The following SLC25A26 variants were observed in gnomAD, a reference collection of about 807,000 sequenced individuals.
The protein encoded by SLC25A26 is mitochondrial S-adenosylmethionine carrier protein.
Under a neutral mutation model 37.8 loss-of-function variants are expected in SLC25A26, and 36 were observed. That is an observed-to-expected ratio of 0.95 (90% CI 0.73 to 1.26). SLC25A26 has a LOEUF of 1.26. Ranked by LOEUF, SLC25A26 falls within the 50% of genes most tolerant of loss-of-function variation. The probability of loss-of-function intolerance (pLI) is 0.00; values close to 1 mark genes in which losing one functional copy is unlikely to be tolerated. For missense variants in SLC25A26, 390 were observed against 331.1 expected (o/e 1.18, Z -1.38); for synonymous variants, 129 against 122.5 (o/e 1.05, Z -0.35).
intron 1 of SLC25A26, among the ~76,000 whole-genome samples, chr3:66,178,420 C>T (rs1039888556): frequency 2.0e-5 from 3 of 152,112 alleles, no homozygotes; most frequent in African/African-American, 7.2e-5. Flanking sequence ...CCTGGGGCAG[C>T]GTTTCTGGGC....
At chr3:66,190,133 G>A (rs2070909050) in intron 1 of SLC25A26, among the ~76,000 whole-genome samples, 1 of 152,216 alleles carries the variant, frequency 6.6e-6, no homozygotes, top group Admixed American at 6.5e-5. Flanking sequence ...GCAACATGGT[G>A]AAAAGCCATC....
At position 66,287,313 on chromosome 3, in the gene SLC25A26, AT is replaced by A. The variant is rs1471754760; in HGVS notation, c.453+23935del. Among the ~76,000 whole-genome samples the A allele has an allele frequency of 7.9e-5, 12 of 151,764 alleles. No individual in the cohort carries two copies. The South Asian group carries it at 8.3e-4, about 11-fold the overall frequency. The stretch of plus-strand genomic sequence containing the variant: ...TCCGTCTCAAAAAAAAAAAAAAAAA[AT>A]CTCAAACTGTTTTCTGTCTTTTCTC... On this transcript the variant is annotated intron_variant, in intron 5 of 9. Transcript: ENST00000354883.
intron 1 of SLC25A26, among the ~76,000 whole-genome samples, chr3:66,189,923 T>C (rs915359268): frequency 8.5e-5 from 13 of 152,108 alleles, no homozygotes; most frequent in Non-Finnish European, 1.6e-4. Context: ...CCTCAGCTTC[T>C]CAAAGTACTG....
At position 66,336,029 on chromosome 3, in the gene SLC25A26, T is replaced by G. The variant is rs147534707; in HGVS notation, c.454-10335T>G. ...TTTTATTAATGTTTTTCATGATTCT[T>G]TTCTAATTGTAATTTTGCGTAAATG... On this transcript the variant is annotated intron_variant, in intron 5 of 9. Coordinates refer to ENST00000354883, the MANE Select transcript of SLC25A26 (RefSeq NM_001379210.1). 8.5e-5 allele frequency among the ~76,000 whole-genome samples: 13 copies of G among 152,306 alleles called. No homozygotes were observed. In the East Asian group the frequency reaches 2.5e-3, roughly 29 times the overall value.
intron 1 of SLC25A26, among the ~76,000 whole-genome samples, chr3:66,145,583 T>G (rs1175027621): frequency 6.6e-6 from 1 of 152,180 alleles, no homozygotes; most frequent in Non-Finnish European, 1.5e-5. Flanking sequence ...AATATATAAC[T>G]TTTGTTTTTT....
At chr3:66,210,873 G>A (rs2071275777) in intron 1 of SLC25A26, among the ~76,000 whole-genome samples, 1 of 152,182 alleles carries the variant, frequency 6.6e-6, no homozygotes, top group Non-Finnish European at 1.5e-5. Flanking sequence ...GCAAGGAGAC[G>A]TGACTGGCGA....
At chr3:66,242,418 G>A (rs1020976959) in intron 2 of SLC25A26, among the ~76,000 whole-genome samples, 5 of 152,172 alleles carry the variant, frequency 3.3e-5, no homozygotes, top group African/African-American at 4.8e-5. Flanking sequence ...TTGTTAGCAC[G>A]TGAAGATCCT....
intron 5 of SLC25A26, among the ~76,000 whole-genome samples, chr3:66,295,557 A>G (rs1576817161): frequency 1.3e-5 from 2 of 152,094 alleles, no homozygotes; most frequent in East Asian, 3.9e-4. Flanking sequence ...GCCCACCACC[A>G]AGCCCAGCTA....
intron 5 of SLC25A26, among the ~76,000 whole-genome samples, chr3:66,290,887 T>TTA (rs2074682692): frequency 6.6e-6 from 1 of 152,234 alleles, no homozygotes; most frequent in East Asian, 1.9e-4. Flanking sequence ...TCAGAAGGAA[T>TTA]GGTACCAGCT....
chr3:66,192,878 A>G (rs1473053684), intron 1 of SLC25A26, among the ~76,000 whole-genome samples: 1 of 152,188 alleles, frequency 6.6e-6, no homozygotes, highest in African/African-American at 2.4e-5. Flanking sequence ...TTTAATTAAC[A>G]TGAGATAAAT....
chr3:66,238,987 T>G (rs1424083736), intron 2 of SLC25A26, among the ~76,000 whole-genome samples: 5 of 152,182 alleles, frequency 3.3e-5, no homozygotes. Context: ...GTACCAATCC[T>G]TTCACCATTT....
At chr3:66,208,254 T>C (rs1000958677) in intron 1 of SLC25A26, among the ~76,000 whole-genome samples, 19 of 152,174 alleles carry the variant, frequency 1.2e-4, no homozygotes, top group African/African-American at 4.3e-4. Flanking sequence ...AAAAGAGAGA[T>C]GATTTTCTGC....
intron 3 of SLC25A26, among the ~76,000 whole-genome samples, chr3:66,257,145 G>A (rs1359583783): frequency 6.6e-6 from 1 of 152,016 alleles, no homozygotes; most frequent in Non-Finnish European, 1.5e-5. Context: ...AGATAAGAAA[G>A]CTTATTTGGG....
intron 5 of SLC25A26, among the ~76,000 whole-genome samples, chr3:66,336,248 A>G (rs2076090521): frequency 6.6e-6 from 1 of 152,204 alleles, no homozygotes; most frequent in South Asian, 2.1e-4. Context: ...AGGACATTTG[A>G]TAGAATAATA....
chr3:66,149,390 C>T (rs926736819), intron 1 of SLC25A26, among the ~76,000 whole-genome samples: 2 of 152,020 alleles, frequency 1.3e-5, no homozygotes, highest in African/African-American at 2.4e-5. Context: ...AGCACCTGAC[C>T]CTAGCAGCCA....
chr3:66,329,490 T>C (rs1002302174), intron 5 of SLC25A26, among the ~76,000 whole-genome samples: 4 of 151,300 alleles, frequency 2.6e-5, no homozygotes, highest in African/African-American at 9.8e-5. Flanking sequence ...TGCTTTTAAC[T>C]AGTTCTCCCT....
chr3:66,175,636 G>C (rs150998735), intron 1 of SLC25A26, among the ~76,000 whole-genome samples: 44,305 of 152,062 alleles, frequency 0.29, 7,146 homozygotes, highest in African/African-American at 0.44. Flanking sequence ...GTTGTAAGTT[G>C]TAGTCTGCAG....
chr3:66,139,619 A>G (rs1334737261), intron 1 of SLC25A26, among the ~76,000 whole-genome samples: 6 of 152,212 alleles, frequency 3.9e-5, no homozygotes, highest in Non-Finnish European at 5.9e-5. Context: ...ACATAAATAA[A>G]CAGGGCCCTG....
chr3:66,313,401 G>T (rs930979921), intron 5 of SLC25A26, among the ~76,000 whole-genome samples: 1 of 152,056 alleles, frequency 6.6e-6, no homozygotes, highest in African/African-American at 2.4e-5. Flanking sequence ...GCTTGTTTTT[G>T]TCAGGTTTCT....
Sources: gnomAD v4.1 joint callset for allele counts (sites outside exome capture counted in the v4.1 genomes callset) on GRCh38, gnomAD v4.1.1 for gene constraint, MANE v1.5 for transcripts, NCBI Gene and HGNC (gene_info 2026-07-23, HGNC 2026-07-21) for gene names.